ESR1: variants seen among roughly 807,000 people sequenced by gnomAD.
ESR1 encodes estrogen receptor 1.
In ESR1, 12 loss-of-function variants were observed where a neutral mutation model predicts 52.7. The observed-to-expected ratio is 0.23, with a 90% CI of 0.15 to 0.37. ESR1 has a LOEUF of 0.37. ESR1 is among the 10% of genes least tolerant of loss of function. ESR1 has a pLI of 1.00. For synonymous variants in ESR1, 305 were observed against 316.8 expected (o/e 0.96, Z 0.39); for missense variants, 584 against 779.7 (o/e 0.75, Z 2.99).
chr6:152,111,818 A>G (rs1483622855), intron 6 of ESR1, among the ~76,000 whole-genome samples: 6 of 152,162 alleles, frequency 3.9e-5, no homozygotes, highest in Admixed American at 2.6e-4. Flanking sequence ...TTGGGGCTCA[A>G]CCCCAGCAAG....
chr6:152,078,631 G>C (rs944907327), intron 6 of ESR1, among the ~76,000 whole-genome samples: 4 of 152,164 alleles, frequency 2.6e-5, no homozygotes, highest in African/African-American at 9.7e-5. Context: ...TGGACAGTGG[G>C]TGCAGCCCAC....
chr6:152,048,276 G>T (rs893340078), intron 5 of ESR1, among the ~76,000 whole-genome samples: 1 of 150,804 alleles, frequency 6.6e-6, no homozygotes, highest in Admixed American at 6.6e-5. Context: ...GGAGGCTGAG[G>T]CAGGGGAATT....
chr6:151,825,926 A>G lies in ESR1; in HGVS notation c.453-16671A>G, dbSNP rs200984469. 2.8e-3 allele frequency among the ~76,000 whole-genome samples: 416 copies of G among 150,648 alleles called. 6 individuals are homozygous for G. The highest frequency in any genetic ancestry group is 0.026 in the East Asian group (131 of 5,130). ...ACTCCATCTCAAAAAAAAAAAAAAA[A>G]AAAAAGAAAGAAATGTGTTTTCCAG... On this transcript the variant is annotated intron_variant, in intron 1 of 7. Coordinates refer to ENST00000206249, the MANE Select transcript of ESR1 (RefSeq NM_000125.4).
intron 3 of ESR1, among the ~76,000 whole-genome samples, chr6:151,920,153 A>G (rs969560570): frequency 2.0e-5 from 3 of 152,148 alleles, no homozygotes; most frequent in Admixed American, 6.6e-5. Context: ...ATAAAATTAT[A>G]TTTTGACTCA....
intron 2 of ESR1, among the ~76,000 whole-genome samples, chr6:151,752,030 T>C (rs923831325): frequency 6.6e-6 from 1 of 152,176 alleles, no homozygotes; most frequent in Non-Finnish European, 1.5e-5. Context: ...AAGGAGTTGG[T>C]TGGGTATTTT....
chr6:151,892,385 G>A (rs770967517), intron 3 of ESR1, among the ~76,000 whole-genome samples: 8 of 152,086 alleles, frequency 5.3e-5, no homozygotes, highest in African/African-American at 9.7e-5. Flanking sequence ...TGTAAAAACC[G>A]GTAGGAATGG....
intron 2 of ESR1, among the ~76,000 whole-genome samples, chr6:151,864,881 T>C (rs1244302449): frequency 7.4e-6 from 1 of 135,020 alleles, no homozygotes; most frequent in Non-Finnish European, 1.5e-5. Context: ...AGGTGGGAAT[T>C]GAACAATAAG....
chr6:151,756,968 C>T (rs1012645414), intron 2 of ESR1, among the ~76,000 whole-genome samples: 10 of 151,646 alleles, frequency 6.6e-5, no homozygotes, highest in South Asian at 2.1e-4. Context: ...CCAGCCTGGG[C>T]GACAGAGCGA....
intron 2 of ESR1, among the ~76,000 whole-genome samples, chr6:151,844,923 A>G (rs1784872468): frequency 6.6e-6 from 1 of 152,216 alleles, no homozygotes; most frequent in Non-Finnish European, 1.5e-5. Context: ...GTAAGTCAGT[A>G]TTGATAAAGT....
At chr6:151,849,264 T>G (rs1017919798) in intron 2 of ESR1, among the ~76,000 whole-genome samples, 3 of 152,220 alleles carry the variant, frequency 2.0e-5, no homozygotes, top group Non-Finnish European at 2.9e-5. Flanking sequence ...CTGATTTCTG[T>G]TCAGCATTGT....
intron 5 of ESR1, among the ~76,000 whole-genome samples, chr6:152,034,511 TAAG>T (rs2045093744): frequency 6.7e-6 from 1 of 148,682 alleles, no homozygotes; most frequent in African/African-American, 2.5e-5. Context: ...TCCTTATAAT[TAAG>T]TCTATGTTCT....
At chr6:151,759,152 G>A (rs1465728478) in intron 2 of ESR1, among the ~76,000 whole-genome samples, 2 of 151,010 alleles carry the variant, frequency 1.3e-5, no homozygotes, top group Non-Finnish European at 2.9e-5. Flanking sequence ...GTGCGTGCCT[G>A]TAGTCCCAGC....
Position 151,683,857 on chromosome 6 carries a change from T to C in ESR1, n.74-18018T>C, listed in dbSNP as rs1461635626. 2.1e-5 allele frequency among the ~76,000 whole-genome samples: 3 copies of C among 144,506 alleles called. No homozygotes were observed. The Admixed American group carries it at 2.1e-4, about 10-fold the overall frequency. 94.8% of individuals were successfully genotyped at this position (144,506 alleles called of 152,430 possible). ...GGGATTACAAGCATGTGCCACCACGTCTGGCTATTTTTTTTTTTTTTTTTT... is the reference window on the plus strand; with the variant it reads ...GGGATTACAAGCATGTGCCACCACGCCTGGCTATTTTTTTTTTTTTTTTTT... On this transcript the variant is annotated intron_variant and non_coding_transcript_variant, in intron 1 of 2. Coordinates refer to the ESR1 transcript ENST00000473497.
At chr6:151,932,330 T>C (rs2033752899) in intron 3 of ESR1, among the ~76,000 whole-genome samples, 2 of 141,572 alleles carry the variant, frequency 1.4e-5, no homozygotes, top group African/African-American at 5.3e-5. Context: ...TTTGTTTGAG[T>C]TCATTGTAGA....
intron 3 of ESR1, among the ~76,000 whole-genome samples, chr6:151,893,829 G>A (rs1429322979): frequency 4.6e-5 from 7 of 152,172 alleles, no homozygotes; most frequent in Admixed American, 2.0e-4. Flanking sequence ...CAAACCAGGA[G>A]TTTGAGATCC....
chr6:152,008,137 C>T (rs1316265965), intron 4 of ESR1, among the ~76,000 whole-genome samples: 4 of 151,986 alleles, frequency 2.6e-5, no homozygotes, highest in Admixed American at 2.6e-4. Flanking sequence ...GTGGTAAAGT[C>T]GAGACCAGTA....
chr6:151,784,455 CA>C (rs1786829840), intron 2 of ESR1, among the ~76,000 whole-genome samples: 1 of 152,016 alleles, frequency 6.6e-6, no homozygotes, highest in South Asian at 2.1e-4. Flanking sequence ...ATGAAGTCAA[CA>C]GGATAAAATA....
intron 2 of ESR1, among the ~76,000 whole-genome samples, chr6:151,875,867 A>G (rs1450183927): frequency 6.6e-6 from 1 of 152,170 alleles, no homozygotes; most frequent in East Asian, 1.9e-4. Context: ...CTGTGAAGGC[A>G]TTGCATTTAG....
At chr6:152,065,038 T>C (rs1369045425) in intron 6 of ESR1, among the ~76,000 whole-genome samples, 1 of 152,220 alleles carries the variant, frequency 6.6e-6, no homozygotes, top group Non-Finnish European at 1.5e-5. Flanking sequence ...TCATCATCAC[T>C]GATGAGAATC....
Sources: gnomAD v4.1 joint callset for allele counts (sites outside exome capture counted in the v4.1 genomes callset) on GRCh38, gnomAD v4.1.1 for gene constraint, MANE v1.5 for transcripts, NCBI Gene and HGNC (gene_info 2026-07-23, HGNC 2026-07-21) for gene names.